Variants in QRICH1 observed in about 807,000 individuals in gnomAD.
QRICH1 encodes transcriptional regulator QRICH1.
In QRICH1, 16 loss-of-function variants were observed where a neutral mutation model predicts 87.1. The observed-to-expected ratio is 0.18, with a 90% CI of 0.12 to 0.28. The LOEUF (loss-of-function observed/expected upper bound fraction) is 0.28, where lower values mean the gene tolerates loss of function less well. QRICH1 is among the 10% of genes least tolerant of loss of function. QRICH1 has a pLI of 1.00. For synonymous variants in QRICH1, 367 were observed against 368.4 expected (o/e 1.00, Z 0.05); for missense variants, 647 against 951.7 (o/e 0.68, Z 4.21).
At chr3:49,045,703 A>G in intron 5 of QRICH1, among the ~76,000 whole-genome samples, 1 of 151,386 alleles carries the variant, frequency 6.6e-6, no homozygotes. Flanking sequence ...GGGCTCAAGC[A>G]ATCCTCCCAC....
intron 2 of QRICH1, among the ~76,000 whole-genome samples, chr3:49,069,104 A>ATTTTTTTTT (rs201458261): frequency 9.7e-6 from 1 of 103,088 alleles, no homozygotes; most frequent in Non-Finnish European, 1.7e-5. Flanking sequence ...TATTATTATT[A>ATTTTTTTTT]TTATTTTTTT....
intron 3 of QRICH1, among the ~76,000 whole-genome samples, chr3:49,053,519 T>C (rs2093384545): frequency 1.4e-5 from 2 of 143,150 alleles, no homozygotes; most frequent in Admixed American, 1.4e-4. Context: ...GTCTCAACAA[T>C]GGGCTGCTGT....
chr3:49,064,003 T>G (rs1210502974), intron 2 of QRICH1, among the ~76,000 whole-genome samples: 1 of 151,656 alleles, frequency 6.6e-6, no homozygotes, highest in Non-Finnish European at 1.5e-5. Context: ...GCCTCCCGGG[T>G]TCAAGCGATT....
intron 1 of QRICH1, among the ~76,000 whole-genome samples, chr3:49,087,787 T>C (rs1370281483): frequency 2.7e-5 from 3 of 110,646 alleles, no homozygotes; most frequent in Non-Finnish European, 5.0e-5. Flanking sequence ...GGCAGAAGAA[T>C]TGCTTGAACT....
chr3:49,082,873 C>T (rs1381845692), intron 1 of QRICH1, among the ~76,000 whole-genome samples: 8 of 130,370 alleles, frequency 6.1e-5, no homozygotes, highest in Admixed American at 2.5e-4. Context: ...CCAGCCTGGG[C>T]GACAGAGCAA....
rs2093450076 is a variant in QRICH1 at position 49,063,872 on chromosome 3, C to G, written c.310-5982G>C. Among the ~76,000 whole-genome samples the G allele has an allele frequency of 3.3e-5, 5 of 152,214 alleles. No individual in the cohort carries two copies. In the South Asian group the frequency reaches 8.3e-4, roughly 25 times the overall value. On this transcript the variant is annotated intron_variant, in intron 2 of 9. Transcript: ENST00000395443. ...CATAGGTTATATCTAGTAATATTTA[C>G]TTGTACTCTAAATTAAAACTAGGAA...
chr3:49,073,476 G>T (rs1212325977), intron 2 of QRICH1, among the ~76,000 whole-genome samples: 2 of 150,878 alleles, frequency 1.3e-5, no homozygotes, highest in African/African-American at 2.4e-5. Context: ...GGAGGCAGAG[G>T]TTGCAGTGAG....
At chr3:49,087,974 C>CA (rs2042201973) in intron 1 of QRICH1, among the ~76,000 whole-genome samples, 2 of 137,162 alleles carry the variant, frequency 1.5e-5, no homozygotes, top group African/African-American at 2.6e-5. Context: ...TTTTTTGAGA[C>CA]AGAGTCTCAC....
intron 1 of QRICH1, among the ~76,000 whole-genome samples, chr3:49,082,933 C>G (rs1348584158): frequency 1.3e-5 from 2 of 149,924 alleles, no homozygotes; most frequent in African/African-American, 4.9e-5. Context: ...GGTGTGGTGA[C>G]TCACGCCTGT....
intron 2 of QRICH1, among the ~76,000 whole-genome samples, chr3:49,062,598 T>C (rs1213036644): frequency 1.3e-5 from 2 of 151,452 alleles, no homozygotes; most frequent in Non-Finnish European, 2.9e-5. Context: ...TAACCTCAAG[T>C]GATCCACCTG....
intron 3 of QRICH1, among the ~76,000 whole-genome samples, chr3:49,055,069 T>G (rs752916277): frequency 6.6e-6 from 1 of 152,206 alleles, no homozygotes; most frequent in Non-Finnish European, 1.5e-5. Flanking sequence ...TTTTCACAAC[T>G]AGACTCTAAG....
At chr3:49,045,370 T>C (rs747479380) in intron 5 of QRICH1, among the ~76,000 whole-genome samples, 1 of 142,588 alleles carries the variant, frequency 7.0e-6, no homozygotes, top group Non-Finnish European at 1.5e-5. Flanking sequence ...TTACCAATAA[T>C]GTAATAGAAG....
intron 3 of QRICH1, among the ~76,000 whole-genome samples, chr3:49,053,261 G>C (rs889546826): frequency 2.0e-5 from 3 of 152,084 alleles, no homozygotes; most frequent in African/African-American, 7.2e-5. Context: ...GGCCGAGGCA[G>C]GTGGATCACG....
intron 1 of QRICH1, chr3:49,083,322 T>C (rs1487150549): frequency 1.3e-5 from 2 of 151,336 alleles, no homozygotes; most frequent in African/African-American, 4.9e-5. Context: ...TTCTGGGCTA[T>C]AGTGCTCTAT....
chr3:49,050,233 A>C (rs1363395630), intron 3 of QRICH1, among the ~76,000 whole-genome samples: 2 of 126,112 alleles, frequency 1.6e-5, no homozygotes, highest in African/African-American at 6.5e-5. Flanking sequence ...TGGGCTAAAG[A>C]GCGGGACTCC....
Position 49,057,249 on chromosome 3 carries a change from C to A in QRICH1, c.951G>T (p.Gln317His), listed in dbSNP as rs770097708. 6.2e-7 allele frequency: 1 copy of A among 1,614,208 alleles called. No homozygotes were observed. Among genetic ancestry groups the A allele is most frequent in the East Asian group, 2.2e-5 (1 of 44,882 alleles). The stretch of plus-strand genomic sequence containing the variant: ...TCTGCTGCTGAGGGTCCCCCCGGGG[C>A]TGGGCAGAATAAACAGGGATGGTCC... ...ETWTIPVYSAQPRGDPQQQSI... is the reference protein window; with the variant it reads ...ETWTIPVYSAHPRGDPQQQSI... Residue 317 changes from glutamine (Q) to histidine (H), a missense_variant, in exon 3 of 10, where the codon CAG becomes CAT. Gln to His is a conservative substitution (Grantham distance 24, BLOSUM62 0). This residue lies in a region of QRICH1 where 75 missense variants were observed against 141.0 expected (regional missense o/e 0.53). Coordinates refer to ENST00000395443, the MANE Select transcript of QRICH1 (RefSeq NM_198880.3). The surrounding 1 kb of genome is among the most constrained non-coding windows in gnomAD (Gnocchi z 5.4).
intron 4 of QRICH1, among the ~76,000 whole-genome samples, chr3:49,046,848 A>G (rs1378230310): frequency 6.6e-6 from 1 of 152,134 alleles, no homozygotes; most frequent in African/African-American, 2.4e-5. Flanking sequence ...TGAAACCCGT[A>G]TGTCTAAAAA....
chr3:49,060,867 A>G (rs1409735691), intron 2 of QRICH1, among the ~76,000 whole-genome samples: 1 of 151,862 alleles, frequency 6.6e-6, no homozygotes, highest in African/African-American at 2.4e-5. Flanking sequence ...GCATTGGCTC[A>G]CACCTGTAAT....
chr3:49,054,623 G>T (rs1396059026), intron 3 of QRICH1, among the ~76,000 whole-genome samples: 1 of 152,108 alleles, frequency 6.6e-6, no homozygotes, highest in African/African-American at 2.4e-5. Context: ...AACAGTTCAA[G>T]GCAGGGTGCA....
Sources: gnomAD v4.1 joint callset for allele counts (sites outside exome capture counted in the v4.1 genomes callset) on GRCh38, gnomAD v4.1.1 for gene constraint, gnomAD v4.1.1 regional missense constraint, Gnocchi (gnomAD v3.1) non-coding constraint, MANE v1.5 for transcripts, NCBI Gene and HGNC (gene_info 2026-07-23, HGNC 2026-07-21) for gene names.